Variants in CFAP299 observed in about 807,000 individuals in gnomAD.
The protein encoded by CFAP299 is cilia- and flagella-associated protein 299.
Under a neutral mutation model 27.0 loss-of-function variants are expected in CFAP299, and 21 were observed. The ratio of observed to expected loss-of-function variants is 0.78; its 90% CI spans 0.55 to 1.12. The LOEUF is 1.12. Among genes scored for constraint, CFAP299 ranks in the 50% most tolerant of loss-of-function variants. The pLI is 0.00. For missense variants in CFAP299, 310 were observed against 276.6 expected (o/e 1.12, Z -0.86); for synonymous variants, 104 against 98.1 (o/e 1.06, Z -0.36).
At chr4:80,438,330 T>C (rs1035172378) in intron 2 of CFAP299, among the ~76,000 whole-genome samples, 2 of 152,132 alleles carry the variant, frequency 1.3e-5, no homozygotes, top group Non-Finnish European at 2.9e-5. Context: ...AGGCCTTGAG[T>C]TTCCAGGGGG....
intron 2 of CFAP299, among the ~76,000 whole-genome samples, chr4:80,456,159 C>T (rs1452795106): frequency 6.6e-6 from 1 of 151,932 alleles, no homozygotes; most frequent in African/African-American, 2.4e-5. Flanking sequence ...AAACCCCATG[C>T]TTGGACACAG....
rs967935714 is a variant in CFAP299, at chr4:80,963,710, A to T, written c.*98A>T. On this transcript the variant is annotated 3_prime_UTR_variant, in exon 6 of 6. Transcript: ENST00000358105. ...TAAATGAGCCCTGTAGCTGGAAGGC[A>T]AATTAGAACAATAAAGTTAATAAAG... 5 of 686,130 alleles carry T rather than the reference A, an allele frequency of 7.3e-6. No individual in the cohort carries two copies. The Admixed American group carries it at 9.0e-5, about 12-fold the overall frequency. The allele number at this position is 686,130 out of a possible 1,614,324, so 42.5% of individuals were successfully genotyped here. A position where few individuals can be genotyped will look rare whatever the true frequency, so the allele number is the denominator to read the frequency against.
chr4:80,726,395 A>C (rs551464082), intron 3 of CFAP299, among the ~76,000 whole-genome samples: 117 of 152,298 alleles, frequency 7.7e-4, no homozygotes, highest in African/African-American at 2.6e-3. Flanking sequence ...GTTAAATTTA[A>C]ACTGTTAAAA....
At chr4:80,388,027 C>T in intron 2 of CFAP299, 2 of 697,918 alleles carry the variant, frequency 2.9e-6, no homozygotes, top group Admixed American at 4.5e-5. Context: ...GTGGGTAGGG[C>T]TGCATCACCA....
intron 3 of CFAP299, among the ~76,000 whole-genome samples, chr4:80,675,598 G>A (rs939306133): frequency 6.6e-6 from 1 of 152,206 alleles, no homozygotes; most frequent in Non-Finnish European, 1.5e-5. Flanking sequence ...ATTTAAGTCT[G>A]CAGAAGTTTC....
intron 2 of CFAP299, among the ~76,000 whole-genome samples, chr4:80,535,073 A>G (rs545233543): frequency 2.0e-5 from 3 of 152,228 alleles, no homozygotes; most frequent in Admixed American, 6.5e-5. Context: ...GAGTTTAGCA[A>G]TTTGTGTGTG....
At chr4:80,860,190 C>T (rs1438630280) in intron 3 of CFAP299, among the ~76,000 whole-genome samples, 1 of 152,158 alleles carries the variant, frequency 6.6e-6, no homozygotes, top group Admixed American at 6.5e-5. Flanking sequence ...CCCTTTCTTC[C>T]AGTTGATCGC....
chr4:80,841,577 G>C (rs1467722256), intron 3 of CFAP299, among the ~76,000 whole-genome samples: 4 of 151,932 alleles, frequency 2.6e-5, no homozygotes, highest in Non-Finnish European at 5.9e-5. Context: ...ATAGTAATGT[G>C]AGTTATATCA....
At chr4:80,779,475 G>A (rs1214814587) in intron 3 of CFAP299, among the ~76,000 whole-genome samples, 1 of 152,022 alleles carries the variant, frequency 6.6e-6, no homozygotes, top group African/African-American at 2.4e-5. Flanking sequence ...CACAGTGCTA[G>A]AGATATGAGT....
At chr4:80,745,373 CTTAA>C (rs886072881) in intron 3 of CFAP299, among the ~76,000 whole-genome samples, 7 of 152,050 alleles carry the variant, frequency 4.6e-5, no homozygotes, top group African/African-American at 1.7e-4. Context: ...ATGAACCAAA[CTTAA>C]TTAATTGAAG....
chr4:80,520,104 A>T (rs985205797), intron 2 of CFAP299, among the ~76,000 whole-genome samples: 4 of 152,190 alleles, frequency 2.6e-5, no homozygotes, highest in Non-Finnish European at 4.4e-5. Context: ...AAAGCAGGTG[A>T]TGACTTTTAA....
chr4:80,846,927 G>T (rs1478158428), intron 3 of CFAP299, among the ~76,000 whole-genome samples: 1 of 152,178 alleles, frequency 6.6e-6, no homozygotes, highest in East Asian at 1.9e-4. Flanking sequence ...AAGTTTCCAA[G>T]ATTGTCCCCT....
At chr4:80,613,429 A>G (rs1738102544) in intron 3 of CFAP299, among the ~76,000 whole-genome samples, 1 of 152,126 alleles carries the variant, frequency 6.6e-6, no homozygotes, top group Non-Finnish European at 1.5e-5. Context: ...ATAGATTTAA[A>G]TCATTCAACT....
intron 3 of CFAP299, among the ~76,000 whole-genome samples, chr4:80,782,627 T>C (rs1427427621): frequency 9.4e-6 from 1 of 106,400 alleles, no homozygotes; most frequent in East Asian, 2.2e-4. Flanking sequence ...TATAATATAT[T>C]CATATATAAT....
chr4:80,617,469 C>T (rs925223416), intron 3 of CFAP299, among the ~76,000 whole-genome samples: 1 of 152,132 alleles, frequency 6.6e-6, no homozygotes, highest in African/African-American at 2.4e-5. Flanking sequence ...GCTATGAACT[C>T]ACCAAATGAT....
chr4:80,688,060 T>C (rs542012929), intron 3 of CFAP299, among the ~76,000 whole-genome samples: 174 of 152,230 alleles, frequency 1.1e-3, no homozygotes, highest in African/African-American at 3.4e-3. Flanking sequence ...GTCTCGCTGA[T>C]TGGTAGCACA....
chr4:80,939,945 C>T (rs1036799985), intron 4 of CFAP299, among the ~76,000 whole-genome samples: 2 of 152,080 alleles, frequency 1.3e-5, no homozygotes, highest in Non-Finnish European at 2.9e-5. Context: ...TGAGAGCCTC[C>T]TCTTTATTTT....
intron 2 of CFAP299, among the ~76,000 whole-genome samples, chr4:80,559,142 C>A (rs1734921345): frequency 6.6e-6 from 1 of 152,108 alleles, no homozygotes; most frequent in South Asian, 2.1e-4. Flanking sequence ...ATCTCCTCAG[C>A]TGGGAATGGC....
chr4:80,479,390 C>G (rs527823197), intron 2 of CFAP299, among the ~76,000 whole-genome samples: 1 of 151,924 alleles, frequency 6.6e-6, no homozygotes, highest in South Asian at 2.1e-4. Flanking sequence ...AGGTTTATAG[C>G]TTTTATGGCA....
Sources: allele counts gnomAD v4.1 joint callset (sites outside exome capture counted in the v4.1 genomes callset), GRCh38; gene constraint gnomAD v4.1.1; transcripts MANE v1.5; gene names NCBI Gene and HGNC (gene_info 2026-07-23, HGNC 2026-07-21).